Variants in ADGRE3 observed in about 807,000 individuals in gnomAD.
ADGRE3 encodes adhesion G protein-coupled receptor E3.
Under a neutral mutation model 80.1 loss-of-function variants are expected in ADGRE3, and 88 were observed. The ratio of observed to expected loss-of-function variants is 1.10; its 90% confidence interval spans 0.93 to 1.31. ADGRE3 has a LOEUF of 1.31. Among genes scored for constraint, ADGRE3 ranks in the 40% most tolerant of loss-of-function variants. The pLI is 0.00. For missense variants in ADGRE3, 715 were observed against 776.5 expected (o/e 0.92, Z 0.94); for synonymous variants, 281 against 294.8 (o/e 0.95, Z 0.48).
chr19:14,672,191 T>C (rs528430298), intron 1 of ADGRE3, among the ~76,000 whole-genome samples: 1 of 152,348 alleles, frequency 6.6e-6, no homozygotes, highest in South Asian at 2.1e-4. Flanking sequence ...GACCATCATG[T>C]TTCCTTAAGA....
chr19:14,648,421 C>T (rs974794274), intron 7 of ADGRE3, among the ~76,000 whole-genome samples: 6 of 152,128 alleles, frequency 3.9e-5, no homozygotes, highest in African/African-American at 7.2e-5. Flanking sequence ...GATGGACAGA[C>T]GTCCTAGCTC....
chr19:14,620,382 A>ATATATACATGTATATATGAATATATATG (rs1970505509), intron 15 of ADGRE3, among the ~76,000 whole-genome samples: 1 of 36,362 alleles, frequency 2.8e-5, no homozygotes, highest in Non-Finnish European at 6.2e-5. Flanking sequence ...AGAGAGATTC[A>ATATATACATGTATATATGAATATATATG]TATATACATG....
chr19:14,633,191 C>T, intron 12 of ADGRE3, 45 bp downstream of exon 12: 2 of 1,554,422 alleles, frequency 1.3e-6, no homozygotes, highest in Non-Finnish European at 1.8e-6. Context: ...CCCAGCACTT[C>T]TCTTGGTTCT....
At chr19:14,670,548 C>T (rs1972228646) in intron 1 of ADGRE3, among the ~76,000 whole-genome samples, 1 of 152,176 alleles carries the variant, frequency 6.6e-6, no homozygotes, top group Non-Finnish European at 1.5e-5. Context: ...TCTGCTCAGG[C>T]TGGCTCTATT....
the ADGRE3 span, chr19:14,607,125 G>T: frequency 1.7e-6 from 2 of 1,173,142 alleles, no homozygotes; most frequent in South Asian, 2.9e-5. Flanking sequence ...GTTTCCTGGG[G>T]TCTCTCTGCT....
Position 14,663,462 on chromosome 19 carries a change from C to G in ADGRE3, c.155G>C (p.Gly52Ala). Residue 52 changes from glycine (G) to alanine (A), a missense_variant, in exon 3 of 16, where the codon GGA becomes GCA. Transcript: ENST00000253673. ...HCTCNHGYTS[G>A]SGQKLFTFPL... ...GAATGTGAATAGTTTCTGCCCAGAT[C>G]CAGAAGTATATCCATGGTTGCAGGT... The G allele has an allele frequency of 6.2e-7, 1 of 1,613,076 alleles. No homozygotes were observed. The highest frequency in any genetic ancestry group is 8.5e-7 in the Non-Finnish European group (1 of 1,179,338).
chr19:14,609,105 T>C, the ADGRE3 span, among the ~76,000 whole-genome samples: 3 of 152,122 alleles, frequency 2.0e-5, no homozygotes, highest in East Asian at 1.9e-4. Flanking sequence ...TGGCGGAACA[T>C]TGGCTGCTAA....
intron 5 of ADGRE3, among the ~76,000 whole-genome samples, chr19:14,655,827 G>T (rs186243295): frequency 9.3e-4 from 142 of 152,094 alleles, no homozygotes; most frequent in African/African-American, 3.3e-3. Context: ...ATAGACCAGT[G>T]GTTCTCAACG....
intron 11 of ADGRE3, among the ~76,000 whole-genome samples, chr19:14,634,097 C>A (rs925253956): frequency 2.6e-5 from 4 of 152,132 alleles, no homozygotes; most frequent in Admixed American, 2.6e-4. Context: ...TTTGATTACA[C>A]ATTTTGATTG....
the ADGRE3 span, among the ~76,000 whole-genome samples, chr19:14,608,466 A>G: frequency 6.6e-6 from 1 of 152,028 alleles, no homozygotes; most frequent in Non-Finnish European, 1.5e-5. Context: ...CCAGACAGGG[A>G]CAGCACCAGG....
the ADGRE3 span, chr19:14,609,976 G>T: frequency 1.0e-6 from 1 of 975,358 alleles, no homozygotes; most frequent in Admixed American, 2.0e-5. Context: ...AATGCGTAGT[G>T]CCAGGTATTC....
At chr19:14,664,833 A>G (rs192349096) in intron 2 of ADGRE3, among the ~76,000 whole-genome samples, 1 of 152,120 alleles carries the variant, frequency 6.6e-6, no homozygotes, top group East Asian at 1.9e-4. Flanking sequence ...AATTCACAGA[A>G]TTGAAAAAAA....
At chr19:14,600,296 T>A in the ADGRE3 span, 1 of 1,283,206 alleles carries the variant, frequency 7.8e-7, no homozygotes, top group Non-Finnish European at 1.1e-6. Flanking sequence ...ACTTTTCAGT[T>A]ACTAAAACTT....
At chr19:14,646,163 G>A (rs1206998718) in intron 8 of ADGRE3, among the ~76,000 whole-genome samples, 1 of 151,680 alleles carries the variant, frequency 6.6e-6, no homozygotes, top group Non-Finnish European at 1.5e-5. Flanking sequence ...TGACTCTGTT[G>A]CCAGGCTGGA....
Position 14,621,922 on chromosome 19 carries a change from A to G in ADGRE3, c.1921-2451T>C. ...TGTTCCCATTCACTGAATACGTAAAATAGAACCAACAGTCGTCAACATCCT... is the reference window on the plus strand; with the variant it reads ...TGTTCCCATTCACTGAATACGTAAAGTAGAACCAACAGTCGTCAACATCCT... On this transcript the variant is annotated intron_variant, in intron 15 of 15. Transcript: ENST00000253673. 4.8e-6 allele frequency: 5 copies of G among 1,039,022 alleles called. 1 individual carries two copies. Among genetic ancestry groups the G allele is most frequent in the Non-Finnish European group, 6.7e-6 (5 of 744,882 alleles). The allele number at this position is 1,039,022 out of a possible 1,614,324, so 64.4% of individuals were successfully genotyped here.
In ADGRE3 at chr19:14,663,500, A is replaced by G. The variant is rs1481525842; in HGVS notation, c.117T>C (p.Asn39=). The G allele has an allele frequency of 1.2e-6, 2 of 1,613,500 alleles. No homozygotes were observed. Among genetic ancestry groups the G allele is most frequent in the South Asian group, 1.1e-5 (1 of 91,068 alleles). The change falls in exon 3 of 16, where the codon AAT becomes AAC. Residue 39 remains asparagine, a synonymous_variant. Coordinates refer to ENST00000253673, the MANE Select transcript of ADGRE3 (RefSeq NM_032571.5). ...CATGGTTGCAGGTGCAGTGAGTGTT[A>G]TTGACACAGGAAGCATTTGGGGGGC... ...AKCPPNASCV[N]NTHCTCNHGY...
rs1971078737 is a variant in ADGRE3, at chr19:14,636,189, T to TTCCTTTCCTTCC, written c.1484+1915_1484+1916insGGAAGGAAAGGA. 3.0e-5 allele frequency among the ~76,000 whole-genome samples: 3 copies of TTCCTTTCCTTCC among 100,910 alleles called. 1 individual carries two copies. Among genetic ancestry groups the TTCCTTTCCTTCC allele is most frequent in the Non-Finnish European group, 6.3e-5 (3 of 47,672 alleles). 66.2% of individuals were successfully genotyped at this position (100,910 alleles called of 152,430 possible). A position where few individuals can be genotyped will look rare whatever the true frequency, so the allele number is the denominator to read the frequency against. On this transcript the variant is annotated intron_variant, in intron 11 of 15. Transcript: ENST00000253673. ...TTCCTTTCCTTTCCTTCCTCTTTCT[T>TTCCTTTCCTTCC]TCTTTCTTTCTTTCTTTTCTTTTCT...
chr19:14,652,234 T>C (rs1971626899), intron 6 of ADGRE3, among the ~76,000 whole-genome samples: 1 of 152,290 alleles, frequency 6.6e-6, no homozygotes, highest in South Asian at 2.1e-4. Flanking sequence ...TATATATGTA[T>C]ATCAAGTCAT....
chr19:14,609,060 A>C, the ADGRE3 span, among the ~76,000 whole-genome samples: 4 of 152,040 alleles, frequency 2.6e-5, no homozygotes, highest in Non-Finnish European at 5.9e-5. Flanking sequence ...TTGGCCTCCC[A>C]AAGTGCTGGG....
Sources: gnomAD v4.1 joint callset for allele counts (sites outside exome capture counted in the v4.1 genomes callset) on GRCh38, gnomAD v4.1.1 for gene constraint, MANE v1.5 for transcripts, NCBI Gene and HGNC (gene_info 2026-07-23, HGNC 2026-07-21) for gene names.